Variants in GTF2IRD1 observed in about 807,000 individuals in gnomAD.
GTF2IRD1 encodes the protein GTF2I repeat domain containing 1, also known as general transcription factor II-I repeat domain-containing protein 1.
In GTF2IRD1, 26 loss-of-function variants were observed where a neutral mutation model predicts 113.2. The ratio of observed to expected loss-of-function variants is 0.23; its 90% CI spans 0.17 to 0.32. The LOEUF (loss-of-function observed/expected upper bound fraction) is 0.32. GTF2IRD1 is among the 10% of genes least tolerant of loss of function. GTF2IRD1 has a pLI of 1.00. For synonymous variants in GTF2IRD1, 484 were observed against 529.1 expected (o/e 0.91, Z 1.17); for missense variants, 864 against 1,280.8 (o/e 0.67, Z 4.97).
intron 14 of GTF2IRD1, among the ~76,000 whole-genome samples, chr7:74,540,426 G>A (rs751812088): frequency 7.9e-5 from 12 of 151,918 alleles, no homozygotes; most frequent in Admixed American, 2.6e-4. Context: ...GATTACAGGC[G>A]TGAGCCACCG....
At chr7:74,499,291 C>T (rs561215049) in intron 1 of GTF2IRD1, among the ~76,000 whole-genome samples, 4 of 152,288 alleles carry the variant, frequency 2.6e-5, no homozygotes, top group African/African-American at 9.6e-5. Flanking sequence ...AGCCAATGGC[C>T]CGGCGGAGGT....
chr7:74,474,216 C>T (rs554502552), intron 1 of GTF2IRD1, among the ~76,000 whole-genome samples: 1 of 152,280 alleles, frequency 6.6e-6, no homozygotes, highest in East Asian at 1.9e-4. Context: ...TGCACTCCAG[C>T]CTGGGCAATG....
intron 9 of GTF2IRD1, among the ~76,000 whole-genome samples, chr7:74,530,493 ATTTTTTT>A (rs57782999): frequency 2.0e-4 from 20 of 102,236 alleles, no homozygotes; most frequent in Non-Finnish European, 3.2e-4. Context: ...GCACTTTGTA[ATTTTTTT>A]TTTTTTTTTT....
chr7:74,511,791 C>T (rs936201905), intron 2 of GTF2IRD1, among the ~76,000 whole-genome samples: 8 of 152,174 alleles, frequency 5.3e-5, no homozygotes, highest in African/African-American at 1.7e-4. Context: ...GACACAACTG[C>T]CTGCCACAGG....
chr7:74,579,263 G>A (rs782185015), intron 22 of GTF2IRD1, among the ~76,000 whole-genome samples: 4 of 152,088 alleles, frequency 2.6e-5, no homozygotes, highest in Non-Finnish European at 4.4e-5. Flanking sequence ...AGCTAGGATC[G>A]CACTACTGCA....
intron 1 of GTF2IRD1, among the ~76,000 whole-genome samples, chr7:74,484,665 G>T (rs528779632): frequency 2.2e-4 from 34 of 151,570 alleles, no homozygotes; most frequent in African/African-American, 6.8e-4. Flanking sequence ...CACCATGTTG[G>T]CCAGGCTGGT....
intron 24 of GTF2IRD1, among the ~76,000 whole-genome samples, chr7:74,592,834 G>A (rs73137122): frequency 0.064 from 9,711 of 151,272 alleles, 361 homozygotes; most frequent in Middle Eastern, 0.13. Flanking sequence ...TACCCGGCCC[G>A]CCTTCAATGT....
At chr7:74,588,772 T>C (rs1801879308) in intron 22 of GTF2IRD1, among the ~76,000 whole-genome samples, 1 of 152,144 alleles carries the variant, frequency 6.6e-6, no homozygotes, top group African/African-American at 2.4e-5. Flanking sequence ...CCTCAAGTAA[T>C]CTGCCTGCCT....
chr7:74,533,750 A>G (rs2267820), intron 9 of GTF2IRD1, among the ~76,000 whole-genome samples: 32,360 of 151,986 alleles, frequency 0.21, 3,760 homozygotes, highest in East Asian at 0.48. Context: ...AGGGTCCCAC[A>G]AGGCCAGGCA....
chr7:74,539,470 G>A (rs1181252761), intron 13 of GTF2IRD1, among the ~76,000 whole-genome samples: 2 of 151,800 alleles, frequency 1.3e-5, no homozygotes, highest in Non-Finnish European at 2.9e-5. Flanking sequence ...ATGACTGGGC[G>A]CAGTGGCTCA....
rs1554344346 is a variant in GTF2IRD1 at position 74,515,380 on chromosome 7, C to T, written c.266-61C>T. The T allele has an allele frequency of 6.5e-6, 10 of 1,546,124 alleles. No homozygotes were observed. Among genetic ancestry groups the T allele is most frequent in the Non-Finnish European group, 7.8e-6 (9 of 1,147,214 alleles). On this transcript the variant is annotated intron_variant, in intron 3 of 26. Coordinates refer to ENST00000424337, the MANE Select transcript of GTF2IRD1 (RefSeq NM_005685.4). Reference sequence around the variant, plus strand: ...TCAGCACAGGGCAGCGACATCCCAGCTCGAAGGCCGGGTGGTGAGACGGGT... The same window carrying T: ...TCAGCACAGGGCAGCGACATCCCAGTTCGAAGGCCGGGTGGTGAGACGGGT...
At chr7:74,567,054 G>T (rs1554360884) in intron 22 of GTF2IRD1, among the ~76,000 whole-genome samples, 1 of 152,186 alleles carries the variant, frequency 6.6e-6, no homozygotes, top group African/African-American at 2.4e-5. Context: ...GGAGGGCCAG[G>T]CGCAGTGGCT....
intron 2 of GTF2IRD1, among the ~76,000 whole-genome samples, chr7:74,510,942 G>A (rs183985784): frequency 1.3e-5 from 2 of 152,080 alleles, no homozygotes; most frequent in Admixed American, 6.5e-5. Flanking sequence ...CTAGCTATTC[G>A]GGAGGCCGAG....
chr7:74,456,229 G>A (rs563613347), intron 1 of GTF2IRD1, among the ~76,000 whole-genome samples: 2 of 152,260 alleles, frequency 1.3e-5, no homozygotes, highest in Admixed American at 1.3e-4. Context: ...ACGGTTTGGT[G>A]ACAGCTTGGT....
intron 3 of GTF2IRD1, 153 bp from the exon 4 acceptor site, chr7:74,515,288 T>C (rs956979379): frequency 6.1e-6 from 9 of 1,485,896 alleles, no homozygotes; most frequent in Middle Eastern, 2.0e-4. Flanking sequence ...GAATAGGGCT[T>C]GCTCACTCAT....
In GTF2IRD1 at chr7:74,547,278, C is replaced by T. The variant is rs1171023753; in HGVS notation, c.1908C>T (p.Val636=). 1.9e-6 allele frequency: 3 copies of T among 1,608,550 alleles called. No individual in the cohort carries two copies. The highest frequency in any genetic ancestry group is 2.7e-5 in the African/African-American group (2 of 74,852). The change falls in exon 17 of 27, where the codon GTC becomes GTT. Residue 636 remains valine (V), a synonymous_variant. Transcript: ENST00000424337. ...AGGCCAGCAACAGCATCCAGTTTGT[C>T]ATCAAGAGGTAAGGCCCAACCAGGT... ...ILEASNSIQF[V]IKRPELLTEG...
At chr7:74,487,500 C>T (rs1185534795) in intron 1 of GTF2IRD1, 1 of 152,222 alleles carries the variant, frequency 6.6e-6, no homozygotes, top group Non-Finnish European at 1.5e-5. Flanking sequence ...CTTCTGAGAT[C>T]AGATGAGATC....
At chr7:74,580,705 G>C (rs13244581) in intron 22 of GTF2IRD1, among the ~76,000 whole-genome samples, 29,660 of 152,008 alleles carry the variant, frequency 0.2, 2,982 homozygotes, top group Admixed American at 0.21. Context: ...GAGCAGGAGG[G>C]GGGCAGGAAA....
At chr7:74,510,109 C>A (rs1182380953) in intron 2 of GTF2IRD1, among the ~76,000 whole-genome samples, 2 of 152,014 alleles carry the variant, frequency 1.3e-5, no homozygotes, top group Non-Finnish European at 2.9e-5. Context: ...GTGGGAGACA[C>A]CCCTGGAAAA....
Sources: gnomAD v4.1 joint callset for allele counts (sites outside exome capture counted in the v4.1 genomes callset) on GRCh38, gnomAD v4.1.1 for gene constraint, MANE v1.5 for transcripts, NCBI Gene and HGNC (gene_info 2026-07-23, HGNC 2026-07-21) for gene names.